Variants in ATRNL1 observed in about 807,000 individuals in gnomAD.
The protein encoded by ATRNL1 is attractin-like protein 1.
In ATRNL1, 95 loss-of-function variants were observed where a neutral mutation model predicts 182.7. That is an observed-to-expected ratio of 0.52 (90% confidence interval 0.44 to 0.62). ATRNL1 has a LOEUF of 0.62. Among genes scored for constraint, ATRNL1 ranks in the 20% least tolerant of loss-of-function variants. ATRNL1 has a pLI of 0.00. For missense variants in ATRNL1, 1,471 were observed against 1,679.5 expected (o/e 0.88, Z 2.17); for synonymous variants, 576 against 568.3 (o/e 1.01, Z -0.19).
At chr10:115,465,383 G>C (rs1848002865) in intron 22 of ATRNL1, among the ~76,000 whole-genome samples, 1 of 151,622 alleles carries the variant, frequency 6.6e-6, no homozygotes, top group Non-Finnish European at 1.5e-5. Context: ...CTATTGAATA[G>C]TCCCTGTCTG....
chr10:115,809,133 A>G (rs1949989773), intron 27 of ATRNL1, among the ~76,000 whole-genome samples: 1 of 152,080 alleles, frequency 6.6e-6, no homozygotes, highest in Admixed American at 6.6e-5. Context: ...GTTGCAAATC[A>G]ATCAACTATA....
chr10:115,358,239 GAA>G (rs1415679791), intron 19 of ATRNL1, among the ~76,000 whole-genome samples: 2 of 151,396 alleles, frequency 1.3e-5, no homozygotes, highest in African/African-American at 4.8e-5. Context: ...CATAGGAAAA[GAA>G]AAAAGAGACA....
chr10:115,607,249 TC>T (rs541718882), intron 26 of ATRNL1, among the ~76,000 whole-genome samples: 463 of 152,038 alleles, frequency 3.0e-3, no homozygotes, highest in Middle Eastern at 6.8e-3. Flanking sequence ...ATTTTTCAAT[TC>T]ATCTTTTAAA....
intron 26 of ATRNL1, among the ~76,000 whole-genome samples, chr10:115,611,299 T>A (rs1857147455): frequency 6.6e-6 from 1 of 152,162 alleles, no homozygotes; most frequent in African/African-American, 2.4e-5. Context: ...ACAAAATATA[T>A]GCATTTCCTT....
At chr10:115,242,789 G>A (rs1273891607) in intron 10 of ATRNL1, among the ~76,000 whole-genome samples, 1 of 152,006 alleles carries the variant, frequency 6.6e-6, no homozygotes, top group Non-Finnish European at 1.5e-5. Context: ...AGTAATGAAT[G>A]TCATTCTGTG....
intron 28 of ATRNL1, among the ~76,000 whole-genome samples, chr10:115,900,226 A>G (rs1387397035): frequency 6.6e-6 from 1 of 152,204 alleles, no homozygotes; most frequent in African/African-American, 2.4e-5. Context: ...AATTGGGCCC[A>G]TACCTCCTAT....
At chr10:115,531,862 C>A (rs1425915580) in intron 25 of ATRNL1, among the ~76,000 whole-genome samples, 1 of 144,164 alleles carries the variant, frequency 6.9e-6, no homozygotes, top group Non-Finnish European at 1.6e-5. Flanking sequence ...GCCAGTTTTC[C>A]CAGCACCATT....
chr10:115,632,193 T>G (rs1437797191), intron 26 of ATRNL1, among the ~76,000 whole-genome samples: 1 of 152,066 alleles, frequency 6.6e-6, no homozygotes, highest in Non-Finnish European at 1.5e-5. Flanking sequence ...AGGAACTAGG[T>G]GGAAGCAAGG....
At chr10:115,903,774 G>A (rs972784854) in intron 28 of ATRNL1, among the ~76,000 whole-genome samples, 7 of 150,844 alleles carry the variant, frequency 4.6e-5, no homozygotes, top group Non-Finnish European at 8.8e-5. Flanking sequence ...ATGTTGTGAA[G>A]TGGTTTGCAA....
chr10:115,869,964 C>CTTTTTTTTT (rs150345069), intron 28 of ATRNL1, among the ~76,000 whole-genome samples: 2 of 71,690 alleles, frequency 2.8e-5, no homozygotes, highest in African/African-American at 1.3e-4. Context: ...GTTCCCAGAC[C>CTTTTTTTTT]TTTTTTTTTT....
intron 24 of ATRNL1, among the ~76,000 whole-genome samples, chr10:115,515,802 A>T (rs1457632270): frequency 6.6e-6 from 1 of 151,892 alleles, no homozygotes; most frequent in African/African-American, 2.4e-5. Flanking sequence ...CATGAAGTTC[A>T]TGTTGTCAAA....
chr10:115,318,222 C>T (rs1407638439), intron 18 of ATRNL1, among the ~76,000 whole-genome samples: 2 of 152,148 alleles, frequency 1.3e-5, no homozygotes, highest in African/African-American at 4.8e-5. Context: ...TTGAACTAGC[C>T]TTGCATCCCA....
At chr10:115,420,039 A>ATTTT (rs34280609) in intron 20 of ATRNL1, among the ~76,000 whole-genome samples, 50 of 127,884 alleles carry the variant, frequency 3.9e-4, no homozygotes, top group African/African-American at 1.3e-3. Flanking sequence ...TGTCTTAACA[A>ATTTT]TTTTTTTTTT....
chr10:115,355,301 A>G (rs1223203618), intron 19 of ATRNL1, among the ~76,000 whole-genome samples: 1 of 152,162 alleles, frequency 6.6e-6, no homozygotes, highest in Non-Finnish European at 1.5e-5. Flanking sequence ...CTGAGAATTC[A>G]AATGGGATTG....
At chr10:115,794,748 C>G (rs76398343) in intron 27 of ATRNL1, among the ~76,000 whole-genome samples, 7,373 of 152,178 alleles carry the variant, frequency 0.048, 520 homozygotes, top group African/African-American at 0.16. Context: ...TTGCTTTAAT[C>G]ATTTGCATAA....
chr10:115,817,256 G>A (rs1304641441), intron 27 of ATRNL1, among the ~76,000 whole-genome samples: 1 of 151,588 alleles, frequency 6.6e-6, no homozygotes, highest in African/African-American at 2.4e-5. Flanking sequence ...TTTGAATTGA[G>A]GATCAATATG....
At chr10:115,598,660 C>CTATTATAAAACCCATAT (rs1448452318) in intron 26 of ATRNL1, among the ~76,000 whole-genome samples, 2 of 152,004 alleles carry the variant, frequency 1.3e-5, no homozygotes, top group East Asian at 3.9e-4. Flanking sequence ...AAAACCCATT[C>CTATTATAAAACCCATAT]CTATTATAAT....
intron 26 of ATRNL1, among the ~76,000 whole-genome samples, chr10:115,686,091 T>G (rs969493742): frequency 3.3e-5 from 5 of 151,584 alleles, no homozygotes; most frequent in African/African-American, 4.8e-5. Flanking sequence ...TATTAATTAT[T>G]TATCCAATAA....
rs77191692 is a variant in ATRNL1, at chr10:115,793,125, C to T, written c.3904-54752C>T. Among the ~76,000 whole-genome samples the T allele has an allele frequency of 1.0e-2, 1,520 of 152,032 alleles. 31 individuals carry two copies. The highest frequency in any genetic ancestry group is 0.035 in the African/African-American group (1,446 of 41,502). Reference sequence around the variant, plus strand: ...TTTCACCATTTTTAAGGGTTCGGCACTGAACTGATTATGAAAAGAAAGTCT... The same window carrying T: ...TTTCACCATTTTTAAGGGTTCGGCATTGAACTGATTATGAAAAGAAAGTCT... On this transcript the variant is annotated intron_variant, in intron 27 of 28. Coordinates refer to ENST00000355044, the MANE Select transcript of ATRNL1 (RefSeq NM_207303.4).
Sources: gnomAD v4.1 joint callset for allele counts (sites outside exome capture counted in the v4.1 genomes callset) on GRCh38, gnomAD v4.1.1 for gene constraint, MANE v1.5 for transcripts, NCBI Gene and HGNC (gene_info 2026-07-23, HGNC 2026-07-21) for gene names.